The following ANKRD30B variants were observed in gnomAD, a reference collection of about 807,000 sequenced individuals.
ANKRD30B encodes ankyrin repeat domain 30B, also known as ankyrin repeat domain-containing protein 30B.
Under a neutral mutation model 202.2 loss-of-function variants are expected in ANKRD30B, and 144 were observed. That is an observed-to-expected ratio of 0.71 (90% CI 0.62 to 0.82). The LOEUF is 0.82. Among genes scored for constraint, ANKRD30B ranks in the 40% least tolerant of loss-of-function variants. The probability of loss-of-function intolerance (pLI) is 0.00; values close to 1 mark genes in which losing one functional copy is unlikely to be tolerated. For synonymous variants in ANKRD30B, 508 were observed against 561.3 expected (o/e 0.91, Z 1.34); for missense variants, 1,487 against 1,669.1 (o/e 0.89, Z 1.90).
chr18:14,914,653 G>A, the ANKRD30B span, among the ~76,000 whole-genome samples: 3 of 152,248 alleles, frequency 2.0e-5, no homozygotes, highest in African/African-American at 7.2e-5. Flanking sequence ...ATGGGGTGAG[G>A]GGAAATGAGG....
rs151004515 is a variant in ANKRD30B at position 14,777,449 on chromosome 18, C to T, written c.1330-536C>T. On this transcript the variant is annotated intron_variant, in intron 9 of 43. Coordinates refer to ENST00000690538, the MANE Select transcript of ANKRD30B (RefSeq NM_001367607.2). ...AGTAGCTGGGATTACAGGCACCCACCACCACGCCAGGCTAATTTTTGTATT... is the reference window on the plus strand; with the variant it reads ...AGTAGCTGGGATTACAGGCACCCACTACCACGCCAGGCTAATTTTTGTATT... 9.7e-3 allele frequency among the ~76,000 whole-genome samples: 1,473 copies of T among 151,836 alleles called. 21 individuals are homozygous for T. The highest frequency in any genetic ancestry group is 0.034 in the African/African-American group (1,406 of 41,400).
Position 14,852,002 on chromosome 18 carries a change from A to G in ANKRD30B, c.4058A>G (p.Tyr1353Cys), listed in dbSNP as rs1191517676. The change falls in exon 42 of 44, where the codon TAT becomes TGT. Residue 1353 changes from tyrosine to cysteine, a missense_variant. By Grantham distance (194) the Tyr-to-Cys change is radical (BLOSUM62 -2). Coordinates refer to ENST00000690538, the MANE Select transcript of ANKRD30B (RefSeq NM_001367607.2). ...YNNEVLHQPL[Y>C]EAQRKSKSPK... ...AATGAGGTGCTCCATCAACCACTTT[A>G]TGAAGCTCAAAGGAAATCCAAAAGC... is the stretch of plus-strand genomic sequence containing the variant. 1 of 1,596,604 alleles carries G rather than the reference A, an allele frequency of 6.3e-7. No individual in the cohort carries two copies. Among genetic ancestry groups the G allele is most frequent in the Admixed American group, 1.7e-5 (1 of 57,836 alleles).
chr18:14,851,447 AG>A lies in ANKRD30B; in HGVS notation c.3565-61del, dbSNP rs1971880647. The A allele has an allele frequency of 8.4e-6, 12 of 1,434,094 alleles. No individual in the cohort carries two copies. The South Asian group carries it at 1.7e-4, about 21-fold the overall frequency. 88.8% of individuals were successfully genotyped at this position (1,434,094 alleles called of 1,614,324 possible). ...AACGTACAAGTTGTTCTTTAATTTC[AG>A]AGGAACTATGATATGCCATTTTATT... On this transcript the variant is annotated intron_variant, in intron 41 of 43. Transcript: ENST00000690538.
the ANKRD30B span, among the ~76,000 whole-genome samples, chr18:14,900,058 T>A: frequency 6.9e-6 from 1 of 145,750 alleles, no homozygotes; most frequent in Non-Finnish European, 1.6e-5. Flanking sequence ...AAAAATACAA[T>A]TTTTTAAAAA....
chr18:14,772,526 A>G (rs1967070540), intron 9 of ANKRD30B, among the ~76,000 whole-genome samples: 1 of 152,124 alleles, frequency 6.6e-6, no homozygotes, highest in Non-Finnish European at 1.5e-5. Context: ...TAGAGAATAT[A>G]TAAAATCTGG....
intron 28 of ANKRD30B, among the ~76,000 whole-genome samples, chr18:14,810,991 C>T (rs961432863): frequency 8.0e-5 from 12 of 150,738 alleles, no homozygotes; most frequent in Non-Finnish European, 1.6e-4. Context: ...GGTGGGTGCC[C>T]GTAATCTCAG....
At chr18:14,774,387 A>G (rs191099567) in intron 9 of ANKRD30B, among the ~76,000 whole-genome samples, 1 of 152,220 alleles carries the variant, frequency 6.6e-6, no homozygotes, top group Admixed American at 6.5e-5. Context: ...GATTTGCCCC[A>G]GACTTTTTTT....
chr18:14,799,108 TG>T lies in ANKRD30B; in HGVS notation c.2038del (p.Asp680IlefsTer6). 6.3e-7 allele frequency: 1 copy of T among 1,576,674 alleles called. No individual in the cohort carries two copies. The highest frequency in any genetic ancestry group is 1.3e-5 in the African/African-American group (1 of 74,142). On this transcript the variant is annotated frameshift_variant, in exon 21 of 44. Transcript: ENST00000690538. LOFTEE classifies it high-confidence loss of function. ...ATGTCCCTTTTCTTTTAGAGTCTCC[TG>T]ATAATGATGGTCTTCTGAAGGTAAT... ...DRETLKAESP[D>X]NDGLLKPTCG...
rs748614523 is a variant in ANKRD30B at position 14,752,690 on chromosome 18, A to G, written c.336+10A>G. ...GACACCTCTGATGAAGGTAAATAGT[A>G]GCCAGTTTTTTCAGCGGGAGATGGA... On this transcript the variant is annotated intron_variant, in intron 2 of 43. Coordinates refer to ENST00000690538, the MANE Select transcript of ANKRD30B (RefSeq NM_001367607.2). 2.0e-5 allele frequency: 32 copies of G among 1,590,136 alleles called. No individual in the cohort carries two copies. The highest frequency in any genetic ancestry group is 2.7e-5 in the Non-Finnish European group (31 of 1,166,048).
At position 14,748,324 on chromosome 18, in the gene ANKRD30B, T is replaced by C; in HGVS notation, c.-96T>C. 1 of 1,004,758 alleles carries C rather than the reference T, an allele frequency of 1.0e-6. No homozygotes were observed. 62.2% of individuals were successfully genotyped at this position (1,004,758 alleles called of 1,614,324 possible). ...CGGGCGAGTGCGAGCCGGGGGCGGG[T>C]GCTGGGGAAGGGTAAGCGGGAAGCG... On this transcript the variant is annotated 5_prime_UTR_variant, in exon 1 of 44. Transcript: ENST00000690538.
chr18:14,757,268 T>C (rs1567980413), intron 4 of ANKRD30B, among the ~76,000 whole-genome samples: 1 of 152,216 alleles, frequency 6.6e-6, no homozygotes, highest in Non-Finnish European at 1.5e-5. Flanking sequence ...AAACATTACA[T>C]AATACCGAGT....
chr18:14,908,258 C>T, the ANKRD30B span, among the ~76,000 whole-genome samples: 1 of 152,144 alleles, frequency 6.6e-6, no homozygotes, highest in Non-Finnish European at 1.5e-5. Flanking sequence ...GTTCATCTTT[C>T]CTAGGATCCC....
intron 28 of ANKRD30B, among the ~76,000 whole-genome samples, chr18:14,810,844 T>A (rs1395408770): frequency 1.3e-5 from 2 of 151,286 alleles, no homozygotes; most frequent in African/African-American, 4.9e-5. Flanking sequence ...CTGTGCATGG[T>A]GGCACATGCC....
chr18:14,900,064 A>T, the ANKRD30B span, among the ~76,000 whole-genome samples: 143,622 of 152,194 alleles, frequency 0.94, 68,381 homozygotes, highest in Non-Finnish European at 1. Context: ...ACAATTTTTT[A>T]AAAAATATTA....
chr18:14,851,724 A>G lies in ANKRD30B; in HGVS notation c.3780A>G (p.Ala1260=). Residue 1260 remains alanine, a synonymous_variant, in exon 42 of 44, where the codon GCA becomes GCG. Coordinates refer to ENST00000690538, the MANE Select transcript of ANKRD30B (RefSeq NM_001367607.2). ...AACAGAAAACAGTAACAAAAAGGGC[A>G]TCTCAGTATAGAGAGCAGCTTAAAG... The part of the protein sequence containing the change: ...KLKQKTVTKR[A]SQYREQLKVL... 6.2e-7 allele frequency: 1 copy of G among 1,610,028 alleles called. No individual in the cohort carries two copies. The highest frequency in any genetic ancestry group is 1.1e-5 in the South Asian group (1 of 90,562).
the ANKRD30B span, among the ~76,000 whole-genome samples, chr18:14,870,313 G>A: frequency 3.9e-5 from 6 of 152,216 alleles, no homozygotes; most frequent in Non-Finnish European, 8.8e-5. Flanking sequence ...TGCCTCAAAT[G>A]GGTGGTGACG....
chr18:14,895,338 T>C, the ANKRD30B span, among the ~76,000 whole-genome samples: 2,590 of 152,274 alleles, frequency 0.017, 81 homozygotes, highest in African/African-American at 0.06. Flanking sequence ...GAGATACCTC[T>C]ATACAACTAT....
chr18:14,865,674 A>G, the ANKRD30B span, among the ~76,000 whole-genome samples: 83,861 of 146,600 alleles, frequency 0.57, 24,609 homozygotes, highest in African/African-American at 0.72. Flanking sequence ...TCTCCAGCTC[A>G]CCATCCTTTT....
At chr18:14,779,501 A>G (rs1053350844) in intron 10 of ANKRD30B, among the ~76,000 whole-genome samples, 5 of 152,236 alleles carry the variant, frequency 3.3e-5, no homozygotes, top group African/African-American at 9.6e-5. Flanking sequence ...CCTAATATCA[A>G]AAAGTTAATT....
Sources: allele counts gnomAD v4.1 joint callset (sites outside exome capture counted in the v4.1 genomes callset), GRCh38; gene constraint gnomAD v4.1.1; transcripts MANE v1.5; gene names NCBI Gene and HGNC (gene_info 2026-07-23, HGNC 2026-07-21).